The following CASD1 variants were observed in gnomAD, a reference collection of about 807,000 sequenced individuals.
The protein encoded by CASD1 is CAS1 domain sialic acid O acetyltransferase 1, also known as N-acetylneuraminate (7)9-O-acetyltransferase.
CASD1 carries 41 observed loss-of-function variants against 100.0 expected under a neutral mutation model. The observed-to-expected ratio is 0.41, with a 90% CI of 0.32 to 0.53. The LOEUF is 0.53. Ranked by LOEUF, CASD1 falls within the 20% of genes least tolerant of loss-of-function variation. The pLI is 0.25. For missense variants in CASD1, 774 were observed against 948.7 expected (o/e 0.82, Z 2.42); for synonymous variants, 321 against 315.6 (o/e 1.02, Z -0.18).
At chr7:94,569,783 T>TA in the CASD1 span, among the ~76,000 whole-genome samples, 8 of 149,944 alleles carry the variant, frequency 5.3e-5, no homozygotes, top group East Asian at 6.0e-4. Flanking sequence ...GTTGTATCAT[T>TA]AAAAAAACTC....
chr7:94,555,675 C>G lies in CASD1; in HGVS notation c.2311C>G (p.Leu771Val), dbSNP rs751054415. ...TATTATTCCTAAAGATAACTCATCT[C>G]TCTTGAAAAGGTTGGCATGTATAGC... ...QIIIPKDNSS[L>V]LKRLACIAAF... Residue 771 changes from leucine (L) to valine (V), a missense_variant, in exon 18 of 18, where the codon CTC (leucine) becomes GTC (valine). Physicochemically the swap from Leu to Val is conservative, Grantham distance 32. Coordinates refer to ENST00000297273, the MANE Select transcript of CASD1 (RefSeq NM_022900.5). 6.8e-6 allele frequency: 11 copies of G among 1,613,342 alleles called. No individual in the cohort carries two copies. In the East Asian group the frequency reaches 2.0e-4, roughly 29 times the overall value.
the CASD1 span, among the ~76,000 whole-genome samples, chr7:94,575,113 T>C: frequency 6.6e-6 from 1 of 152,220 alleles, no homozygotes; most frequent in Non-Finnish European, 1.5e-5. Context: ...TGTTCTTGTG[T>C]CTTGAATTCT....
chr7:94,566,866 C>T, the CASD1 span, among the ~76,000 whole-genome samples: 1 of 152,142 alleles, frequency 6.6e-6, no homozygotes, highest in African/African-American at 2.4e-5. Flanking sequence ...CTGAGGAGAA[C>T]CTTAGCCAGG....
chr7:94,551,261 T>G, intron 14 of CASD1, 77 bp from the exon 15 acceptor site: 1 of 1,185,728 alleles, frequency 8.4e-7, no homozygotes, highest in Non-Finnish European at 1.2e-6. Context: ...TATTCATATA[T>G]TCCTCACTAA....
the CASD1 span, chr7:94,586,956 C>CTA: frequency 1.0e-6 from 1 of 984,162 alleles, no homozygotes; most frequent in African/African-American, 1.8e-5. Flanking sequence ...AGAGGAGATA[C>CTA]TGTACTTTAG....
the CASD1 span, chr7:94,629,892 G>A: frequency 6.9e-4 from 1,106 of 1,600,872 alleles, 14 homozygotes; most frequent in African/African-American, 0.013. Context: ...AATGAGATAC[G>A]CCCTTGATAA....
chr7:94,583,960 T>C, the CASD1 span, among the ~76,000 whole-genome samples: 1 of 152,160 alleles, frequency 6.6e-6, no homozygotes, highest in Non-Finnish European at 1.5e-5. Context: ...CATCAAAATG[T>C]TAAGTCAGAA....
chr7:94,548,621 ATAT>A (rs1190958303), intron 13 of CASD1, among the ~76,000 whole-genome samples: 2 of 151,866 alleles, frequency 1.3e-5, no homozygotes, highest in South Asian at 2.1e-4. Flanking sequence ...TATTAAAATA[ATAT>A]TATAAAGTTC....
At chr7:94,564,493 C>T in the CASD1 span, among the ~76,000 whole-genome samples, 1 of 152,202 alleles carries the variant, frequency 6.6e-6, no homozygotes, top group Non-Finnish European at 1.5e-5. Flanking sequence ...CCTTCATCCT[C>T]TATGATAGCT....
chr7:94,571,870 CA>C, the CASD1 span, among the ~76,000 whole-genome samples: 1,088 of 141,890 alleles, frequency 7.7e-3, 9 homozygotes, highest in Admixed American at 0.02. Context: ...ACTAAAACCT[CA>C]AAAAAAAAAA....
At chr7:94,625,965 T>C in the CASD1 span, 1 of 152,050 alleles carries the variant, frequency 6.6e-6, no homozygotes, top group South Asian at 2.1e-4. Context: ...GTATGAGATA[T>C]TCAGTACTGC....
At chr7:94,585,667 T>C in the CASD1 span, 49 of 643,770 alleles carry the variant, frequency 7.6e-5, 2 homozygotes, top group Non-Finnish European at 1.3e-4. Flanking sequence ...GTATTTGGTT[T>C]TTTTAAAAAA....
At chr7:94,563,533 G>A in the CASD1 span, among the ~76,000 whole-genome samples, 36 of 152,012 alleles carry the variant, frequency 2.4e-4, no homozygotes, top group Non-Finnish European at 4.6e-4. Context: ...TATTCCTTGT[G>A]TAATAAGGAT....
At chr7:94,578,869 GTGGC>G in the CASD1 span, among the ~76,000 whole-genome samples, 3 of 152,188 alleles carry the variant, frequency 2.0e-5, no homozygotes, top group Non-Finnish European at 4.4e-5. Flanking sequence ...CTAAGCATGA[GTGGC>G]ACATGATTAG....
chr7:94,546,046 G>T (rs1584425556), intron 12 of CASD1, among the ~76,000 whole-genome samples: 1 of 152,056 alleles, frequency 6.6e-6, no homozygotes, highest in East Asian at 1.9e-4. Flanking sequence ...AGAAGGGAAA[G>T]CCAAATAGGC....
the CASD1 span, among the ~76,000 whole-genome samples, chr7:94,593,204 T>G: frequency 6.6e-6 from 1 of 152,130 alleles, no homozygotes; most frequent in Admixed American, 6.6e-5. Context: ...TTTATACTTG[T>G]TAATTTTCAA....
the CASD1 span, chr7:94,629,777 A>G: frequency 1.2e-6 from 2 of 1,611,368 alleles, no homozygotes; most frequent in Middle Eastern, 3.3e-4. Context: ...AAACATGAAC[A>G]AAGAGGACAC....
At chr7:94,576,910 G>T in the CASD1 span, among the ~76,000 whole-genome samples, 2 of 152,070 alleles carry the variant, frequency 1.3e-5, no homozygotes, top group Admixed American at 6.6e-5. Context: ...CCTGAGTATG[G>T]TATTGAAAAT....
chr7:94,527,671 A>G (rs997269166), intron 4 of CASD1, among the ~76,000 whole-genome samples: 24 of 152,218 alleles, frequency 1.6e-4, no homozygotes, highest in Non-Finnish European at 3.5e-4. Flanking sequence ...GGCTTCAAAA[A>G]TAAGTAAGAA....
Sources: gnomAD v4.1 joint callset for allele counts (sites outside exome capture counted in the v4.1 genomes callset) on GRCh38, gnomAD v4.1.1 for gene constraint, MANE v1.5 for transcripts, NCBI Gene and HGNC (gene_info 2026-07-23, HGNC 2026-07-21) for gene names.